TAFA4: variants seen among roughly 807,000 people sequenced by gnomAD.
TAFA4 encodes the protein chemokine-like protein TAFA-4.
Under a neutral mutation model 21.1 loss-of-function variants are expected in TAFA4, and 20 were observed. The ratio of observed to expected loss-of-function variants is 0.95; its 90% CI spans 0.67 to 1.38. TAFA4 has a LOEUF of 1.38. Among genes scored for constraint, TAFA4 ranks in the 40% most tolerant of loss-of-function variants. The pLI is 0.00. For missense variants in TAFA4, 211 were observed against 180.9 expected, an observed-to-expected ratio of 1.17 and a Z score of -0.95; for synonymous variants, 71 against 67.4, an observed-to-expected ratio of 1.05 and a Z score of -0.26.
At chr3:68,860,566 GA>G (rs1215841082) in intron 3 of TAFA4, among the ~76,000 whole-genome samples, 1 of 151,976 alleles carries the variant, frequency 6.6e-6, no homozygotes, top group African/African-American at 2.4e-5. Flanking sequence ...GGATTAAAAG[GA>G]AAACTGAATC....
At chr3:68,772,602 A>G (rs1702978816) in intron 3 of TAFA4, among the ~76,000 whole-genome samples, 1 of 152,096 alleles carries the variant, frequency 6.6e-6, no homozygotes, top group Non-Finnish European at 1.5e-5. Flanking sequence ...TGAGAGTTAC[A>G]CCATTGGCTT....
intron 3 of TAFA4, among the ~76,000 whole-genome samples, chr3:68,830,165 G>T (rs1267190830): frequency 1.3e-5 from 2 of 152,018 alleles, no homozygotes; most frequent in Non-Finnish European, 2.9e-5. Context: ...TTATTTGAAG[G>T]TTTTTTTGTG....
At chr3:68,816,961 G>C (rs1445702613) in intron 3 of TAFA4, among the ~76,000 whole-genome samples, 1 of 152,180 alleles carries the variant, frequency 6.6e-6, no homozygotes, top group African/African-American at 2.4e-5. Flanking sequence ...GCTGCTGACT[G>C]ATCAAAGTTG....
At chr3:68,862,867 A>G (rs2089364668) in intron 3 of TAFA4, among the ~76,000 whole-genome samples, 1 of 151,758 alleles carries the variant, frequency 6.6e-6, no homozygotes, top group Non-Finnish European at 1.5e-5. Flanking sequence ...ACACACACAC[A>G]CACACACACA....
Position 68,880,778 on chromosome 3 carries a change from A to C in TAFA4, c.82T>G (p.Cys28Gly). Residue 28 changes from cysteine to glycine, a missense_variant, in exon 3 of 6, where the codon TGC (cysteine) becomes GGC (glycine). Coordinates refer to ENST00000295569, the MANE Select transcript of TAFA4 (RefSeq NM_182522.5). The stretch of plus-strand genomic sequence containing the variant: ...CTTGAGGCGGACATCAGCTTACAGC[A>C]CACCATTAACACGTAGGCTAGAAAG... ...WLFLAYVLMV[C>G]CKLMSASSQH... is the part of the protein sequence containing the mutation. 13 of 1,613,960 alleles carry C rather than the reference A, an allele frequency of 8.1e-6. No individual in the cohort carries two copies. The highest frequency in any genetic ancestry group is 1.1e-5 in the Non-Finnish European group (13 of 1,179,950).
At chr3:68,818,140 T>C (rs1415851144) in intron 3 of TAFA4, among the ~76,000 whole-genome samples, 14 of 152,228 alleles carry the variant, frequency 9.2e-5, no homozygotes, top group Admixed American at 5.2e-4. Context: ...GCAGCTTCTA[T>C]ATCAGCACTT....
At position 68,807,659 on chromosome 3, in the gene TAFA4, A is replaced by T. The variant is rs192085942; in HGVS notation, c.131-54641T>A. On this transcript the variant is annotated intron_variant, in intron 3 of 5. Transcript: ENST00000295569. ...TTGCACCTGAATACAAAGTATGTTT[A>T]TATAGTGTTAGAAATCACTGTCTAT... is the stretch of plus-strand genomic sequence containing the variant. Among the ~76,000 whole-genome samples the T allele has an allele frequency of 1.1e-4, 17 of 152,366 alleles. No homozygotes were observed. The East Asian group carries it at 3.1e-3, about 28-fold the overall frequency.
In TAFA4 at chr3:68,899,527, A is replaced by G. The variant is rs571373247; in HGVS notation, c.-122-14217T>C. Among the ~76,000 whole-genome samples the G allele has an allele frequency of 5.3e-5, 8 of 152,324 alleles. No homozygotes were observed. The South Asian group carries it at 1.7e-3, about 32-fold the overall frequency. ...GCCATTCCTCCTATTCAGGATCTAAAAAAGCAGCAGTTCACATTTATAACG... is the reference window on the plus strand; with the variant it reads ...GCCATTCCTCCTATTCAGGATCTAAGAAAGCAGCAGTTCACATTTATAACG... On this transcript the variant is annotated intron_variant, in intron 1 of 5. Coordinates refer to ENST00000295569, the MANE Select transcript of TAFA4 (RefSeq NM_182522.5).
rs1329272449 is a variant in TAFA4, at chr3:68,732,033, C to G, written c.*1109G>C. 6.6e-6 allele frequency: 1 copy of G among 152,482 alleles called. No homozygotes were observed. Among genetic ancestry groups the G allele is most frequent in the Admixed American group, 6.6e-5 (1 of 15,254 alleles). The allele number at this position is 152,482 out of a possible 1,614,324, so 9.4% of individuals were successfully genotyped here. The stretch of plus-strand genomic sequence containing the variant: ...ATTTTTACAGTAGTATGTACTTTAA[C>G]AACATTATACATCTAAAATCTGGGT... On this transcript the variant is annotated 3_prime_UTR_variant, in exon 6 of 6. Transcript: ENST00000295569.
At chr3:68,778,371 G>C (rs1268820171) in intron 3 of TAFA4, among the ~76,000 whole-genome samples, 1 of 152,172 alleles carries the variant, frequency 6.6e-6, no homozygotes, top group African/African-American at 2.4e-5. Context: ...AAATGGGAAT[G>C]TATCTAATAC....
At chr3:68,738,995 T>C (rs1375244672) in intron 5 of TAFA4, 80 bp downstream of exon 5, 4 of 1,578,014 alleles carry the variant, frequency 2.5e-6, no homozygotes, top group Non-Finnish European at 3.4e-6. Context: ...AATGTGTTCT[T>C]GATGGCAGAA....
At chr3:68,901,763 CT>C (rs2089845559) in intron 1 of TAFA4, among the ~76,000 whole-genome samples, 2 of 152,156 alleles carry the variant, frequency 1.3e-5, no homozygotes, top group African/African-American at 4.8e-5. Flanking sequence ...ACTGCAAAAG[CT>C]GACTTTGGCT....
intron 3 of TAFA4, among the ~76,000 whole-genome samples, chr3:68,811,179 C>A (rs964885679): frequency 6.6e-6 from 1 of 152,128 alleles, no homozygotes; most frequent in Non-Finnish European, 1.5e-5. Context: ...TGTCGGTCAC[C>A]ATCATCAAAG....
chr3:68,808,305 C>T (rs1368676001), intron 3 of TAFA4, among the ~76,000 whole-genome samples: 1 of 152,156 alleles, frequency 6.6e-6, no homozygotes, highest in Non-Finnish European at 1.5e-5. Context: ...CACCTGAGTC[C>T]AGCAATTGAA....
chr3:68,809,836 T>C (rs114935983), intron 3 of TAFA4, among the ~76,000 whole-genome samples: 211 of 152,348 alleles, frequency 1.4e-3, no homozygotes, highest in African/African-American at 4.8e-3. Context: ...TGTGTTGGCA[T>C]TGTGTTTTGG....
chr3:68,795,001 T>C (rs1482431603), intron 3 of TAFA4, among the ~76,000 whole-genome samples: 2 of 143,978 alleles, frequency 1.4e-5, no homozygotes, highest in Non-Finnish European at 3.0e-5. Flanking sequence ...TGTGTCTCAA[T>C]ACACACACAC....
At chr3:68,830,843 A>G (rs903607392) in intron 3 of TAFA4, among the ~76,000 whole-genome samples, 1 of 152,162 alleles carries the variant, frequency 6.6e-6, no homozygotes, top group Admixed American at 6.5e-5. Context: ...GTAGGTCTCT[A>G]AGGACTTGCT....
intron 3 of TAFA4, among the ~76,000 whole-genome samples, chr3:68,843,578 G>T (rs189769807): frequency 9.5e-4 from 145 of 152,298 alleles, no homozygotes; most frequent in African/African-American, 3.2e-3. Flanking sequence ...GTGAGAGAGG[G>T]CATCCCTGTC....
At chr3:68,822,932 C>T (rs80109781) in intron 3 of TAFA4, among the ~76,000 whole-genome samples, 2,743 of 152,198 alleles carry the variant, frequency 0.018, 91 homozygotes, top group East Asian at 0.1. Context: ...AACTATGAAG[C>T]GCAAATAAAC....
Sources: gnomAD v4.1 joint callset for allele counts (sites outside exome capture counted in the v4.1 genomes callset) on GRCh38, gnomAD v4.1.1 for gene constraint, MANE v1.5 for transcripts, NCBI Gene and HGNC (gene_info 2026-07-23, HGNC 2026-07-21) for gene names.